PTER: variants seen among roughly 807,000 people sequenced by gnomAD.
PTER encodes phosphotriesterase related, also known as N-acetyltaurine hydrolase.
In PTER, 38 loss-of-function variants were observed where a neutral mutation model predicts 29.6. The ratio of observed to expected loss-of-function variants is 1.28; its 90% CI spans 0.99 to 1.68. The LOEUF is 1.68. Among genes scored for constraint, PTER ranks in the 40% most tolerant of loss-of-function variants. The probability of loss-of-function intolerance (pLI) is 0.00; values close to 1 mark genes in which losing one functional copy is unlikely to be tolerated. For synonymous variants in PTER, 172 were observed against 154.5 expected (o/e 1.11, Z -0.84); for missense variants, 482 against 427.8 (o/e 1.13, Z -1.12).
intron 1 of PTER, among the ~76,000 whole-genome samples, chr10:16,469,431 A>T (rs1329509507): frequency 6.6e-6 from 1 of 152,120 alleles, no homozygotes; most frequent in African/African-American, 2.4e-5. Flanking sequence ...AGCCAGAGAG[A>T]CTTCTGAGAA....
intron 1 of PTER, among the ~76,000 whole-genome samples, chr10:16,457,740 C>G (rs890941478): frequency 1.3e-5 from 2 of 151,984 alleles, no homozygotes; most frequent in African/African-American, 4.8e-5. Context: ...ACTGGCACTA[C>G]AGGTGCGTGC....
At chr10:16,451,721 T>A (rs937378944) in intron 1 of PTER, among the ~76,000 whole-genome samples, 11 of 152,078 alleles carry the variant, frequency 7.2e-5, no homozygotes, top group African/African-American at 2.7e-4. Flanking sequence ...CAAAAGTAAA[T>A]AAATAAATAA....
chr10:16,449,719 G>A (rs1324847144), intron 1 of PTER, among the ~76,000 whole-genome samples: 1 of 152,008 alleles, frequency 6.6e-6, no homozygotes, highest in Non-Finnish European at 1.5e-5. Flanking sequence ...AAGGATGCAG[G>A]TGCTCCTCTC....
chr10:16,437,660 G>A (rs953248517), intron 1 of PTER, among the ~76,000 whole-genome samples: 6 of 152,074 alleles, frequency 3.9e-5, no homozygotes, highest in African/African-American at 1.4e-4. Context: ...CCAATTACCA[G>A]CGGTCATATG....
intron 1 of PTER, among the ~76,000 whole-genome samples, chr10:16,470,138 A>G (rs1588602971): frequency 6.6e-6 from 1 of 152,156 alleles, no homozygotes; most frequent in Admixed American, 6.5e-5. Flanking sequence ...TTAGGTTGGA[A>G]TTGCAGCCTT....
At chr10:16,514,292 C>A, downstream of PTER, 1 of 560,590 alleles carries the variant, frequency 1.8e-6, no homozygotes, top group Non-Finnish European at 3.1e-6. Context: ...TGGACACTAA[C>A]GATAAGGAGT....
At chr10:16,456,561 G>A (rs1016321809) in intron 1 of PTER, among the ~76,000 whole-genome samples, 1 of 152,140 alleles carries the variant, frequency 6.6e-6, no homozygotes. Context: ...TCTGGCTCTT[G>A]GTCTCAGGCT....
At chr10:16,442,213 ATTAT>A (rs1833873110) in intron 1 of PTER, among the ~76,000 whole-genome samples, 1 of 152,138 alleles carries the variant, frequency 6.6e-6, no homozygotes, top group Non-Finnish European at 1.5e-5. Context: ...TATTTTCCAA[ATTAT>A]TTGTTTGTTG....
In PTER at chr10:16,492,230, A is replaced by G. The variant is rs188869724; in HGVS notation, c.698+5613A>G. On this transcript the variant is annotated intron_variant, in intron 3 of 4. Coordinates refer to ENST00000535784, the MANE Select transcript of PTER (RefSeq NM_001261836.2). The stretch of plus-strand genomic sequence containing the variant: ...TGTTGGTTGCTGTGAATTTAACCCT[A>G]GGGAACATTGCAGGGGGCTGCCCTT... 4.6e-5 allele frequency among the ~76,000 whole-genome samples: 7 copies of G among 152,266 alleles called. No homozygotes were observed. In the East Asian group the frequency reaches 1.2e-3, roughly 25 times the overall value.
chr10:16,501,952 A>G (rs1341025323), intron 3 of PTER, among the ~76,000 whole-genome samples: 1 of 152,232 alleles, frequency 6.6e-6, no homozygotes, highest in Non-Finnish European at 1.5e-5. Flanking sequence ...AAGTTCTCAT[A>G]ATTGTCAGCA....
chr10:16,468,036 A>G lies in PTER; in HGVS notation c.-48-16301A>G, dbSNP rs143909909. On this transcript the variant is annotated intron_variant, in intron 1 of 4. Transcript: ENST00000535784. ...CAGAATTATCTATTGTCAGAAATAT[A>G]TTAAATAAAGATTCCAAGAAAATGG... 3.0e-4 allele frequency among the ~76,000 whole-genome samples: 46 copies of G among 152,262 alleles called. 1 individual carries two copies. In the East Asian group the frequency reaches 8.3e-3, roughly 27 times the overall value.
downstream of PTER, chr10:16,514,227 C>A: frequency 2.3e-6 from 1 of 430,000 alleles, no homozygotes; most frequent in South Asian, 8.5e-5. Context: ...AGAAATAATT[C>A]AATGTCTTAG....
rs1836834322 is a variant in PTER, at chr10:16,512,113, C to T, written c.*857C>T. 1 of 151,590 alleles carries T rather than the reference C, an allele frequency of 6.6e-6. No homozygotes were observed. Among genetic ancestry groups the T allele is most frequent in the African/African-American group, 2.4e-5 (1 of 41,232 alleles). 9.4% of individuals were successfully genotyped at this position (151,590 alleles called of 1,614,324 possible). ...ATGTATATTCCCTTTATTTCCTTTA[C>T]CTTTTGTTTTTCCTTGGACCTAAAC... On this transcript the variant is annotated 3_prime_UTR_variant, in exon 5 of 5. Transcript: ENST00000535784.
rs1309531924 is a variant in PTER at position 16,512,484 on chromosome 10, C to A, written c.*1228C>A. ...AGACCAATTAGAATTAGTCATTATT[C>A]TTGATGAAGAGTCTGTTTTTAATCA... On this transcript the variant is annotated 3_prime_UTR_variant, in exon 5 of 5. Transcript: ENST00000535784. The A allele has an allele frequency of 6.6e-6, 1 of 152,092 alleles. No homozygotes were observed. The highest frequency in any genetic ancestry group is 1.9e-4 in the East Asian group (1 of 5,190). 9.4% of individuals were successfully genotyped at this position (152,092 alleles called of 1,614,324 possible).
intron 3 of PTER, among the ~76,000 whole-genome samples, chr10:16,490,785 A>G (rs914343182): frequency 2.6e-5 from 4 of 151,498 alleles, no homozygotes; most frequent in South Asian, 4.2e-4. Context: ...TTAGACATGT[A>G]TGTAAGTTAG....
At chr10:16,481,457 G>A (rs781281477) in intron 1 of PTER, among the ~76,000 whole-genome samples, 15 of 152,158 alleles carry the variant, frequency 9.9e-5, no homozygotes, top group Non-Finnish European at 1.9e-4. Context: ...CACAGGAAGC[G>A]TGTATTCTAG....
intron 1 of PTER, among the ~76,000 whole-genome samples, chr10:16,454,303 G>C (rs142097400): frequency 1.3e-5 from 2 of 152,002 alleles, no homozygotes; most frequent in Non-Finnish European, 2.9e-5. Context: ...TGCCAGGCAC[G>C]GTGGCTCACG....
chr10:16,499,066 C>T (rs1836230586), intron 3 of PTER, among the ~76,000 whole-genome samples: 1 of 152,272 alleles, frequency 6.6e-6, no homozygotes, highest in Non-Finnish European at 1.5e-5. Flanking sequence ...GGCCTCAACA[C>T]AAAAGCAGTT....
intron 1 of PTER, among the ~76,000 whole-genome samples, chr10:16,450,605 A>C (rs769426966): frequency 2.6e-5 from 4 of 152,168 alleles, no homozygotes; most frequent in Non-Finnish European, 5.9e-5. Flanking sequence ...TCAGCCACTC[A>C]CATGATAAAA....
Sources: gnomAD v4.1 joint callset for allele counts (sites outside exome capture counted in the v4.1 genomes callset) on GRCh38, gnomAD v4.1.1 for gene constraint, MANE v1.5 for transcripts, NCBI Gene and HGNC (gene_info 2026-07-23, HGNC 2026-07-21) for gene names.